Variants in STAG1 observed in about 807,000 individuals in gnomAD.
STAG1 encodes the protein cohesin subunit SA-1.
STAG1 carries 26 observed loss-of-function variants against 170.9 expected under a neutral mutation model. The ratio of observed to expected loss-of-function variants is 0.15; its 90% CI spans 0.11 to 0.21. The LOEUF is 0.21. Among genes scored for constraint, STAG1 ranks in the 10% least tolerant of loss-of-function variants. The pLI is 1.00. For synonymous variants in STAG1, 514 were observed against 497.7 expected (o/e 1.03, Z -0.44); for missense variants, 964 against 1,509.5 (o/e 0.64, Z 5.99).
intron 4 of STAG1, among the ~76,000 whole-genome samples, chr3:136,574,734 T>C (rs1937393340): frequency 6.6e-6 from 1 of 152,182 alleles, no homozygotes; most frequent in Non-Finnish European, 1.5e-5. Flanking sequence ...GGCTGAAATT[T>C]TTAACACACA....
At chr3:136,714,646 T>C (rs1943471105) in intron 1 of STAG1, among the ~76,000 whole-genome samples, 2 of 151,834 alleles carry the variant, frequency 1.3e-5, no homozygotes, top group Non-Finnish European at 2.9e-5. Flanking sequence ...GAGAATGGCA[T>C]GAACCCAGGA....
At position 136,605,144 on chromosome 3, in the gene STAG1, T is replaced by C. The variant is rs150732767; in HGVS notation, c.133-671A>G. ...CTACCCCTACTGAAATGCTCAAGTA[T>C]TTCTTAGTCATGCAACAAATATGCT... On this transcript the variant is annotated intron_variant, in intron 3 of 33. Transcript: ENST00000383202. Among the ~76,000 whole-genome samples the C allele has an allele frequency of 9.8e-5, 15 of 152,316 alleles. No homozygotes were observed. In the East Asian group the frequency reaches 2.9e-3, roughly 29 times the overall value.
chr3:136,596,023 C>G (rs945621950), intron 4 of STAG1, among the ~76,000 whole-genome samples: 10 of 152,144 alleles, frequency 6.6e-5, no homozygotes, highest in Non-Finnish European at 1.5e-4. Context: ...TAAGAAACGT[C>G]TTCTGCTACT....
intron 2 of STAG1, among the ~76,000 whole-genome samples, chr3:136,626,486 C>T (rs1394345348): frequency 6.6e-6 from 1 of 151,616 alleles, no homozygotes; most frequent in African/African-American, 2.4e-5. Flanking sequence ...GCTTATGGGT[C>T]TTAAGTTCTC....
chr3:136,433,455 C>G (rs2088368197), intron 16 of STAG1, 101 bp downstream of exon 16: 1 of 802,404 alleles, frequency 1.2e-6, no homozygotes, highest in East Asian at 2.7e-5. Flanking sequence ...ATAAAAACAC[C>G]ATGTTTTTAG....
intron 1 of STAG1, among the ~76,000 whole-genome samples, chr3:136,657,745 CT>C (rs1422961267): frequency 2.0e-5 from 3 of 152,080 alleles, no homozygotes; most frequent in Non-Finnish European, 2.9e-5. Flanking sequence ...CTACTTGAGC[CT>C]GGAAGGCACA....
chr3:136,431,551 T>C (rs1164572216), intron 16 of STAG1, among the ~76,000 whole-genome samples: 1 of 152,216 alleles, frequency 6.6e-6, no homozygotes, highest in East Asian at 1.9e-4. Context: ...ATTACAGGCG[T>C]GAACCACTGT....
chr3:136,595,546 G>A (rs189412579), intron 4 of STAG1, among the ~76,000 whole-genome samples: 9 of 151,828 alleles, frequency 5.9e-5, no homozygotes, highest in South Asian at 4.2e-4. Context: ...ACAAAACTGC[G>A]GGCGCCTGCA....
intron 9 of STAG1, among the ~76,000 whole-genome samples, chr3:136,494,303 C>T (rs12489577): frequency 0.72 from 109,300 of 151,974 alleles, 39,401 homozygotes; most frequent in East Asian, 0.86. Context: ...CAAAACAAAA[C>T]TTAAAAAAAT....
chr3:136,625,110 C>T (rs1290970928), intron 2 of STAG1, among the ~76,000 whole-genome samples: 2 of 152,194 alleles, frequency 1.3e-5, no homozygotes, highest in African/African-American at 2.4e-5. Context: ...AAGGTTTAGA[C>T]AGCATGAACA....
chr3:136,717,719 A>T (rs1317908308), intron 1 of STAG1, among the ~76,000 whole-genome samples: 1 of 152,202 alleles, frequency 6.6e-6, no homozygotes, highest in East Asian at 1.9e-4. Flanking sequence ...AACACAGAAA[A>T]GAGATGATGG....
At chr3:136,717,195 C>T (rs1223034185) in intron 1 of STAG1, among the ~76,000 whole-genome samples, 2 of 152,202 alleles carry the variant, frequency 1.3e-5, no homozygotes, top group Non-Finnish European at 1.5e-5. Flanking sequence ...CACACTTAAC[C>T]TTCTCATTAT....
chr3:136,463,837 A>G (rs1313615115), intron 13 of STAG1, among the ~76,000 whole-genome samples: 1 of 143,102 alleles, frequency 7.0e-6, no homozygotes, highest in Non-Finnish European at 1.5e-5. Context: ...ATATACATAT[A>G]TACATACATA....
At chr3:136,619,483 C>T (rs1559913386) in intron 3 of STAG1, among the ~76,000 whole-genome samples, 1 of 151,864 alleles carries the variant, frequency 6.6e-6, no homozygotes, top group Non-Finnish European at 1.5e-5. Flanking sequence ...TTAGGCCTGG[C>T]GTGGTGGCTC....
At chr3:136,498,279 A>AC (rs1309523550) in intron 9 of STAG1, among the ~76,000 whole-genome samples, 2 of 114,982 alleles carry the variant, frequency 1.7e-5, no homozygotes, top group African/African-American at 3.7e-5. Flanking sequence ...CACACCACAC[A>AC]CACATACACA....
At chr3:136,527,868 T>C (rs1935134842) in intron 6 of STAG1, among the ~76,000 whole-genome samples, 1 of 152,180 alleles carries the variant, frequency 6.6e-6, no homozygotes, top group South Asian at 2.1e-4. Flanking sequence ...CCTGTTTTCC[T>C]GGGTATCAGC....
At chr3:136,670,725 G>C (rs1223207979) in intron 1 of STAG1, among the ~76,000 whole-genome samples, 1 of 151,950 alleles carries the variant, frequency 6.6e-6, no homozygotes, top group African/African-American at 2.4e-5. Context: ...GCTTGCTTCA[G>C]CCTCCCAAAG....
intron 3 of STAG1, among the ~76,000 whole-genome samples, chr3:136,611,451 A>T (rs1939272200): frequency 6.6e-6 from 1 of 151,622 alleles, no homozygotes; most frequent in African/African-American, 2.4e-5. Flanking sequence ...GCCTGGCCAT[A>T]ATATTTTTAA....
chr3:136,686,036 C>T (rs1942510672), intron 1 of STAG1, among the ~76,000 whole-genome samples: 1 of 152,166 alleles, frequency 6.6e-6, no homozygotes, highest in Non-Finnish European at 1.5e-5. Context: ...TGGTGAGTGA[C>T]AGCAGTAGGT....
Sources: gnomAD v4.1 joint callset for allele counts (sites outside exome capture counted in the v4.1 genomes callset) on GRCh38, gnomAD v4.1.1 for gene constraint, MANE v1.5 for transcripts, NCBI Gene and HGNC (gene_info 2026-07-23, HGNC 2026-07-21) for gene names.